Variants in NCDN observed in about 807,000 individuals in gnomAD.
NCDN encodes neurochondrin, also known as norbin.
A neutral mutation model predicts 60.7 loss-of-function variants in NCDN; 9 were observed. The ratio of observed to expected loss-of-function variants is 0.15; its 90% CI spans 0.09 to 0.26. The LOEUF is 0.26. NCDN is among the 10% of genes least tolerant of loss of function. NCDN has a pLI of 1.00. For synonymous variants in NCDN, 409 were observed against 442.5 expected (o/e 0.92, Z 0.95); for missense variants, 578 against 975.2 (o/e 0.59, Z 5.42).
chr1:35,560,391 C>A lies in NCDN; in HGVS notation c.240C>A (p.Val80=), dbSNP rs146042879. The A allele has an allele frequency of 2.5e-6, 4 of 1,614,006 alleles. No individual in the cohort carries two copies. The highest frequency in any genetic ancestry group is 2.5e-6 in the Non-Finnish European group (3 of 1,180,044). The change falls in exon 3 of 7, where the codon GTC becomes GTA. Residue 80 remains valine (V), a synonymous_variant. Transcript: ENST00000373243. The surrounding 1 kb of genome is among the most constrained non-coding windows in gnomAD (Gnocchi z 7.6). The part of the protein sequence containing the change: ...AKTRRRIFDA[V]GFTFPNRLLT... ...CTCGGCGGCGGATCTTCGATGCTGT[C>A]GGCTTCACCTTCCCCAATCGTCTCC...
At position 35,558,204 on chromosome 1, in the gene NCDN, A is replaced by G. The variant is rs1303096914; in HGVS notation, c.14A>G (p.Asp5Gly). The G allele has an allele frequency of 6.2e-7, 1 of 1,613,584 alleles. No homozygotes were observed. The highest frequency in any genetic ancestry group is 1.1e-5 in the South Asian group (1 of 91,054). Residue 5 changes from aspartate (D) to glycine (G), a missense_variant, in exon 1 of 7, where the codon GAC becomes GGC. Asp to Gly is a moderately conservative substitution (Grantham distance 94). Transcript: ENST00000373243. This position sits in a 1 kb window ranked among gnomAD's most constrained non-coding sequence, Gnocchi z 6.3. ...GTGACTTCATCAATGTCGTGTTGTG[A>G]CCTGGCTGCGGCGGGACAGGTGGTG... MSCC[D>G]LAAAGQLGKA... is the part of the protein sequence containing the mutation.
rs767585959 is a variant in NCDN at position 35,562,387 on chromosome 1, A to T, written c.1144-5A>T. ...CTCCATCTCAAGGGGGTCCTGTGGC[A>T]ACAGGTGGGGTCAGAGAAGCAGAAG... is the stretch of plus-strand genomic sequence containing the variant. On this transcript the variant is annotated splice_region_variant and splice_polypyrimidine_tract_variant and intron_variant, in intron 3 of 6. Coordinates refer to ENST00000373243, the MANE Select transcript of NCDN (RefSeq NM_014284.3). This position sits in a 1 kb window ranked among gnomAD's most constrained non-coding sequence, Gnocchi z 6.8. 6.2e-7 allele frequency: 1 copy of T among 1,613,384 alleles called. No individual in the cohort carries two copies. The highest frequency in any genetic ancestry group is 8.5e-7 in the Non-Finnish European group (1 of 1,179,622).
rs1472409623 is a variant in NCDN, at chr1:35,561,977, A to G, written c.1144-415A>G. Among the ~76,000 whole-genome samples, 4 of 152,246 alleles carry G rather than the reference A, an allele frequency of 2.6e-5. No individual in the cohort carries two copies. Among genetic ancestry groups the G allele is most frequent in the Non-Finnish European group, 5.9e-5 (4 of 68,048 alleles). ...CTCCCACCATTGGGAGCAGTTACAC[A>G]GTAGCCAGGAACCTGCCCTCCCACC... is the stretch of plus-strand genomic sequence containing the variant. On this transcript the variant is annotated intron_variant, in intron 3 of 6. Coordinates refer to ENST00000373243, the MANE Select transcript of NCDN (RefSeq NM_014284.3). This position sits in a 1 kb window ranked among gnomAD's most constrained non-coding sequence, Gnocchi z 4.9.
rs771692573 is a variant in NCDN, at chr1:35,561,336, G to C, written c.1143+42G>C. 4 of 1,532,364 alleles carry C rather than the reference G, an allele frequency of 2.6e-6. No individual in the cohort carries two copies. Among genetic ancestry groups the C allele is most frequent in the Middle Eastern group, 2.3e-4 (1 of 4,418 alleles). The allele number at this position is 1,532,364 out of a possible 1,614,324, so 94.9% of individuals were successfully genotyped here. ...CCACAGAGGGGGCCCAGTATGGGGG[G>C]AGCCAGTGCTGGAGCTGGGAGGCAA... is the stretch of plus-strand genomic sequence containing the variant. On this transcript the variant is annotated intron_variant, in intron 3 of 6. Coordinates refer to ENST00000373243, the MANE Select transcript of NCDN (RefSeq NM_014284.3). The surrounding 1 kb of genome is among the most constrained non-coding windows in gnomAD (Gnocchi z 4.9).
In NCDN at chr1:35,558,601, C is replaced by T; in HGVS notation, c.33+378C>T. On this transcript the variant is annotated intron_variant, in intron 1 of 6. Transcript: ENST00000373243. The surrounding 1 kb of genome is among the most constrained non-coding windows in gnomAD (Gnocchi z 6.3). ...TTCTCACTTCTGAAGCGTATCTCTG[C>T]CTCTGAAGAAGGGAGGGGAAAGGAA... The T allele has an allele frequency of 8.4e-7, 1 of 1,192,214 alleles. No homozygotes were observed. Among genetic ancestry groups the T allele is most frequent in the Non-Finnish European group, 1.0e-6 (1 of 956,224 alleles). 73.9% of individuals were successfully genotyped at this position (1,192,214 alleles called of 1,614,324 possible).
chr1:35,566,768 T>G lies in NCDN; in HGVS notation c.*1105T>G. On this transcript the variant is annotated 3_prime_UTR_variant, in exon 7 of 7. Coordinates refer to ENST00000373243, the MANE Select transcript of NCDN (RefSeq NM_014284.3). The surrounding 1 kb of genome is among the most constrained non-coding windows in gnomAD (Gnocchi z 5.3). ...ATGTGGACACTCAATAAATGTTCAT[T>G]GGTGACGAGAAGCCTCCTGCGTGGT... 1 of 470,540 alleles carries G rather than the reference T, an allele frequency of 2.1e-6. No individual in the cohort carries two copies. Among genetic ancestry groups the G allele is most frequent in the Admixed American group, 2.3e-5 (1 of 42,584 alleles). 29.1% of individuals were successfully genotyped at this position (470,540 alleles called of 1,614,324 possible).
Position 35,565,944 on chromosome 1 carries a change from G to A in NCDN, c.*281G>A, listed in dbSNP as rs1648860888. ...GGTTGGAGCAGCCCCCAGGGAGGGG[G>A]GCACTAGGTGTCATTGTGCCCGATG... On this transcript the variant is annotated 3_prime_UTR_variant, in exon 7 of 7. Coordinates refer to ENST00000373243, the MANE Select transcript of NCDN (RefSeq NM_014284.3). This position sits in a 1 kb window ranked among gnomAD's most constrained non-coding sequence, Gnocchi z 8.9. 1 of 433,348 alleles carries A rather than the reference G, an allele frequency of 2.3e-6. No homozygotes were observed. Among genetic ancestry groups the A allele is most frequent in the Admixed American group, 4.1e-5 (1 of 24,126 alleles). The allele number at this position is 433,348 out of a possible 1,614,324, so 26.8% of individuals were successfully genotyped here.
Position 35,560,857 on chromosome 1 carries a change from A to G in NCDN, c.706A>G (p.Ser236Gly), listed in dbSNP as rs1648677709. ...GGATTTCCAGAAAGCTGAGGATGCC[A>G]GCAAGTTTGAGCTCTGCCAGCTGCT... is the stretch of plus-strand genomic sequence containing the variant. ...SEDFQKAEDA[S>G]KFELCQLLPL... is the part of the protein sequence containing the mutation. Residue 236 changes from serine (S) to glycine (G), a missense_variant, in exon 3 of 7, where the codon AGC (serine) becomes GGC (glycine). Transcript: ENST00000373243. The surrounding 1 kb of genome is among the most constrained non-coding windows in gnomAD (Gnocchi z 7.6). 6.2e-7 allele frequency: 1 copy of G among 1,614,176 alleles called. No individual in the cohort carries two copies.
In NCDN at chr1:35,563,968, G is replaced by A. The variant is rs1317098125; in HGVS notation, c.1753+59G>A. ...GACAGAAGACCTGGGTGGACCTCCTGTGTTTGGGGCAAAAGTCACCATTTT... is the reference window on the plus strand; with the variant it reads ...GACAGAAGACCTGGGTGGACCTCCTATGTTTGGGGCAAAAGTCACCATTTT... On this transcript the variant is annotated intron_variant, in intron 6 of 6. Transcript: ENST00000373243. The surrounding 1 kb of genome is among the most constrained non-coding windows in gnomAD (Gnocchi z 6.6). 6.5e-7 allele frequency: 1 copy of A among 1,538,074 alleles called. No individual in the cohort carries two copies. The highest frequency in any genetic ancestry group is 8.7e-7 in the Non-Finnish European group (1 of 1,145,892).
chr1:35,565,819 C>T lies in NCDN; in HGVS notation c.*156C>T, dbSNP rs72659625. ...TTTCTGAGGGCAAGGGCATGGTGCC[C>T]ACCCCTCAAGTGTAAGGAACTGCGT... On this transcript the variant is annotated 3_prime_UTR_variant, in exon 7 of 7. Transcript: ENST00000373243. This position sits in a 1 kb window ranked among gnomAD's most constrained non-coding sequence, Gnocchi z 8.9. 2.0e-5 allele frequency: 16 copies of T among 806,786 alleles called. No homozygotes were observed. Among genetic ancestry groups the T allele is most frequent in the Non-Finnish European group, 2.9e-5 (15 of 525,386 alleles). The allele number at this position is 806,786 out of a possible 1,614,324, so 50.0% of individuals were successfully genotyped here. A position where few individuals can be genotyped will look rare whatever the true frequency, so the allele number is the denominator to read the frequency against.
At chr1:35,564,012 C>T in intron 6 of NCDN, 103 bp downstream of exon 6, 1 of 1,371,632 alleles carries the variant, frequency 7.3e-7, no homozygotes, top group East Asian at 2.5e-5. Context: ...GGTTTTGCAG[C>T]ATTTTCTAAG....
At position 35,561,718 on chromosome 1, in the gene NCDN, G is replaced by C. The variant is rs1648714192; in HGVS notation, c.1143+424G>C. ...TGGTGCAGGGAAGAGAAGCAGGGCT[G>C]CCTGGTTCCTGGCCTCTATAGAGGT... On this transcript the variant is annotated intron_variant, in intron 3 of 6. Coordinates refer to ENST00000373243, the MANE Select transcript of NCDN (RefSeq NM_014284.3). The surrounding 1 kb of genome is among the most constrained non-coding windows in gnomAD (Gnocchi z 4.9). 6.6e-6 allele frequency among the ~76,000 whole-genome samples: 1 copy of C among 152,126 alleles called. No homozygotes were observed. The highest frequency in any genetic ancestry group is 1.5e-5 in the Non-Finnish European group (1 of 68,008).
chr1:35,558,163 T>A lies in NCDN; in HGVS notation c.-28T>A. 6.2e-7 allele frequency: 1 copy of A among 1,613,872 alleles called. No homozygotes were observed. Among genetic ancestry groups the A allele is most frequent in the Non-Finnish European group, 8.5e-7 (1 of 1,179,842 alleles). On this transcript the variant is annotated 5_prime_UTR_variant, in exon 1 of 7. Coordinates refer to ENST00000373243, the MANE Select transcript of NCDN (RefSeq NM_014284.3). The surrounding 1 kb of genome is among the most constrained non-coding windows in gnomAD (Gnocchi z 6.3). ...CACCGCGCCATCGTGAAGTGTGATCTCATCGCCGCCCTGTCGTGACTTCAT... is the reference window on the plus strand; with the variant it reads ...CACCGCGCCATCGTGAAGTGTGATCACATCGCCGCCCTGTCGTGACTTCAT...
At chr1:35,559,889 G>A (rs564254653) in intron 2 of NCDN, among the ~76,000 whole-genome samples, 2 of 152,224 alleles carry the variant, frequency 1.3e-5, no homozygotes, top group East Asian at 3.9e-4. Context: ...TTTGACAGGC[G>A]GAGCGGCGAG....
At chr1:35,559,467 C>T (rs1272992550) in intron 2 of NCDN, among the ~76,000 whole-genome samples, 1 of 152,096 alleles carries the variant, frequency 6.6e-6, no homozygotes, top group East Asian at 1.9e-4. Context: ...CTAGGGGCTG[C>T]CTGGGTCTGT....
In NCDN at chr1:35,565,648, C is replaced by T; in HGVS notation, c.2175C>T (p.Cys725=). 6 of 1,552,774 alleles carry T rather than the reference C, an allele frequency of 3.9e-6. No homozygotes were observed. Among genetic ancestry groups the T allele is most frequent in the African/African-American group, 1.3e-5 (1 of 74,076 alleles). Residue 725 remains cysteine, a synonymous_variant, in exon 7 of 7, where the codon TGC becomes TGT. Coordinates refer to ENST00000373243, the MANE Select transcript of NCDN (RefSeq NM_014284.3). The surrounding 1 kb of genome is among the most constrained non-coding windows in gnomAD (Gnocchi z 8.9). ...ACCGCATGGCTGCCTTGGAGCAGTGCCTGTCAGAGCCCTGAGGGGTGTCCA... is the reference window on the plus strand; with the variant it reads ...ACCGCATGGCTGCCTTGGAGCAGTGTCTGTCAGAGCCCTGAGGGGTGTCCA... ...SHYRMAALEQ[C]LSEP is the part of the protein sequence containing the mutation.
Position 35,561,355 on chromosome 1 carries a change from G to A in NCDN, c.1143+61G>A. 1 of 1,514,850 alleles carries A rather than the reference G, an allele frequency of 6.6e-7. No homozygotes were observed. The highest frequency in any genetic ancestry group is 8.8e-7 in the Non-Finnish European group (1 of 1,139,236). The allele number at this position is 1,514,850 out of a possible 1,614,324, so 93.8% of individuals were successfully genotyped here. On this transcript the variant is annotated intron_variant, in intron 3 of 6. Transcript: ENST00000373243. The surrounding 1 kb of genome is among the most constrained non-coding windows in gnomAD (Gnocchi z 4.9). Reference sequence around the variant, plus strand: ...TGGGGGGAGCCAGTGCTGGAGCTGGGAGGCAAGGGGGAGGAGAATAATGGG... The same window carrying A: ...TGGGGGGAGCCAGTGCTGGAGCTGGAAGGCAAGGGGGAGGAGAATAATGGG...
Position 35,560,424 on chromosome 1 carries a change from C to A in NCDN, c.273C>A (p.Thr91=). ...CCTTCCCCAATCGTCTCCTGACCAC[C>A]AAGGAGGCGCCGGATGGCTGCCCTG... ...GFTFPNRLLT[T]KEAPDGCPDH... Residue 91 remains threonine (T), a synonymous_variant, in exon 3 of 7, where the codon ACC becomes ACA. Transcript: ENST00000373243. The surrounding 1 kb of genome is among the most constrained non-coding windows in gnomAD (Gnocchi z 7.6). 1 of 1,614,010 alleles carries A rather than the reference C, an allele frequency of 6.2e-7. No homozygotes were observed. The highest frequency in any genetic ancestry group is 8.5e-7 in the Non-Finnish European group (1 of 1,180,026).
At position 35,565,842 on chromosome 1, in the gene NCDN, C is replaced by T. The variant is rs964139284; in HGVS notation, c.*179C>T. On this transcript the variant is annotated 3_prime_UTR_variant, in exon 7 of 7. Coordinates refer to ENST00000373243, the MANE Select transcript of NCDN (RefSeq NM_014284.3). This position sits in a 1 kb window ranked among gnomAD's most constrained non-coding sequence, Gnocchi z 8.9. Reference sequence around the variant, plus strand: ...CCCACCCCTCAAGTGTAAGGAACTGCGTTCCGCCCCTCAGGCCCCCATGGG... The same window carrying T: ...CCCACCCCTCAAGTGTAAGGAACTGTGTTCCGCCCCTCAGGCCCCCATGGG... The T allele has an allele frequency of 2.1e-5, 14 of 679,742 alleles. No homozygotes were observed. The highest frequency in any genetic ancestry group is 1.5e-4 in the African/African-American group (8 of 54,876). The allele number at this position is 679,742 out of a possible 1,614,324, so 42.1% of individuals were successfully genotyped here. A position where few individuals can be genotyped will look rare whatever the true frequency, so the allele number is the denominator to read the frequency against.
Sources: allele counts gnomAD v4.1 joint callset (sites outside exome capture counted in the v4.1 genomes callset), GRCh38; gene constraint gnomAD v4.1.1; non-coding constraint Gnocchi (gnomAD v3.1); transcripts MANE v1.5; gene names NCBI Gene and HGNC (gene_info 2026-07-23, HGNC 2026-07-21).